Variants in ARRDC4 observed in about 807,000 individuals in gnomAD.
ARRDC4 encodes arrestin domain containing 4, also known as arrestin domain-containing protein 4.
ARRDC4 carries 40 observed loss-of-function variants against 44.6 expected under a neutral mutation model. The observed-to-expected ratio is 0.90, with a 90% confidence interval of 0.70 to 1.17. The LOEUF (loss-of-function observed/expected upper bound fraction) is 1.17, where lower values mean the gene tolerates loss of function less well. Among genes scored for constraint, ARRDC4 ranks in the 50% most tolerant of loss-of-function variants. ARRDC4 has a pLI of 0.00. For synonymous variants in ARRDC4, 211 were observed against 221.2 expected (o/e 0.95, Z 0.41); for missense variants, 550 against 559.1 (o/e 0.98, Z 0.16).
intron 1 of ARRDC4, 59 bp downstream of exon 1, chr15:97,961,227 G>A (rs1899311113): frequency 3.0e-6 from 4 of 1,334,018 alleles, no homozygotes; most frequent in Non-Finnish European, 3.8e-6. Context: ...GGGAGGGGCT[G>A]GGAGGCCGCG....
At position 97,973,359 on chromosome 15, in the gene ARRDC4, GA is replaced by G. The variant is rs113869432; in HGVS notation, c.*2174del. 1.6e-4 allele frequency: 25 copies of G among 152,666 alleles called. 1 individual carries two copies. The highest frequency in any genetic ancestry group is 5.1e-4 in the African/African-American group (21 of 41,584). The allele number at this position is 152,666 out of a possible 1,614,324, so 9.5% of individuals were successfully genotyped here. ...GAAACTATCTCTGTAGGACTTAAGA[GA>G]ATAGCTAAAAGGTGTGACTTGCCTT... On this transcript the variant is annotated 3_prime_UTR_variant, in exon 8 of 8. Transcript: ENST00000268042.
rs1451907409 is a variant in ARRDC4, at chr15:97,966,015, T to C, written c.495T>C (p.His165=). ...AGCGGGAACTCCAGGTTGTTAGTCA[T>C]GTCGATGTCAACACACCAGCATTAT... ...SVKRELQVVS[H]VDVNTPALLT... The change falls in exon 3 of 8, where the codon CAT becomes CAC. Residue 165 remains histidine, a synonymous_variant. Coordinates refer to ENST00000268042, the MANE Select transcript of ARRDC4 (RefSeq NM_183376.3). The surrounding 1 kb of genome is among the most constrained non-coding windows in gnomAD (Gnocchi z 4.7). The C allele has an allele frequency of 6.2e-7, 1 of 1,614,178 alleles. No individual in the cohort carries two copies.
rs1307541334 is a variant in ARRDC4, at chr15:97,971,823, T to C, written c.*636T>C. 6.6e-6 allele frequency: 1 copy of C among 152,164 alleles called. No individual in the cohort carries two copies. The highest frequency in any genetic ancestry group is 1.5e-5 in the Non-Finnish European group (1 of 68,044). 9.4% of individuals were successfully genotyped at this position (152,164 alleles called of 1,614,324 possible). On this transcript the variant is annotated 3_prime_UTR_variant, in exon 8 of 8. Transcript: ENST00000268042. ...TAGTTTATAAATCGGCAGTACGGTA[T>C]TATGAAACCAAGAAAGGGTTTCTTG...
At position 97,970,665 on chromosome 15, in the gene ARRDC4, CTGTG is replaced by C; in HGVS notation, c.1123_1126del (p.Cys375ArgfsTer33). The C allele has an allele frequency of 1.2e-6, 2 of 1,613,284 alleles. No individual in the cohort carries two copies. Among genetic ancestry groups the C allele is most frequent in the Non-Finnish European group, 1.7e-6 (2 of 1,179,510 alleles). On this transcript the variant is annotated frameshift_variant, in exon 7 of 8. Transcript: ENST00000268042. LOFTEE classifies it high-confidence loss of function. The surrounding 1 kb of genome is among the most constrained non-coding windows in gnomAD (Gnocchi z 4.2). ...TTCCTCCTTACCCTCAACCCCCTAACTGTGAGGGAGAAGTGTGCTGTCCTGTGTT... is the reference window on the plus strand; with the variant it reads ...TTCCTCCTTACCCTCAACCCCCTAACAGGGAGAAGTGTGCTGTCCTGTGTT...
In ARRDC4 at chr15:97,968,504, G is replaced by A. The variant is rs1899456231; in HGVS notation, c.625+388G>A. Among the ~76,000 whole-genome samples the A allele has an allele frequency of 1.3e-5, 2 of 152,188 alleles. No individual in the cohort carries two copies. Among genetic ancestry groups the A allele is most frequent in the African/African-American group, 4.8e-5 (2 of 41,458 alleles). ...GCTGGCTTGATATATGCAAATGCAT[G>A]GGACTGGAATGTAGTGTATTAACAA... is the stretch of plus-strand genomic sequence containing the variant. On this transcript the variant is annotated intron_variant, in intron 4 of 7. Coordinates refer to ENST00000268042, the MANE Select transcript of ARRDC4 (RefSeq NM_183376.3). The surrounding 1 kb of genome is among the most constrained non-coding windows in gnomAD (Gnocchi z 5.4).
Position 97,969,312 on chromosome 15 carries a change from T to TC in ARRDC4, c.815_816insC (p.Ile274AsnfsTer30). 6.2e-7 allele frequency: 1 copy of TC among 1,613,912 alleles called. No homozygotes were observed. Among genetic ancestry groups the TC allele is most frequent in the Non-Finnish European group, 8.5e-7 (1 of 1,179,854 alleles). On this transcript the variant is annotated frameshift_variant, in exon 5 of 8. Transcript: ENST00000268042. LOFTEE classifies it high-confidence loss of function. ...ACAGACACATGGAATGGGAAAACGC[T>TC]AAAAATCCCACCTGTTACTCCATCC... is the stretch of plus-strand genomic sequence containing the variant.
At position 97,967,566 on chromosome 15, in the gene ARRDC4, T is replaced by G. The variant is rs938488600; in HGVS notation, c.523-448T>G. Among the ~76,000 whole-genome samples, 1 of 151,354 alleles carries G rather than the reference T, an allele frequency of 6.6e-6. No individual in the cohort carries two copies. Among genetic ancestry groups the G allele is most frequent in the Admixed American group, 6.6e-5 (1 of 15,264 alleles). On this transcript the variant is annotated intron_variant, in intron 3 of 7. Transcript: ENST00000268042. This position sits in a 1 kb window ranked among gnomAD's most constrained non-coding sequence, Gnocchi z 5.0. ...GAAGTAAGTGGTGGGAAAAGGCTGT[T>G]TGTTTATTCCACTTTATTAAATGCC... is the stretch of plus-strand genomic sequence containing the variant.
chr15:97,960,747 C>G lies in ARRDC4; in HGVS notation c.-115C>G, dbSNP rs1279421604. On this transcript the variant is annotated 5_prime_UTR_variant, in exon 1 of 8. Coordinates refer to ENST00000268042, the MANE Select transcript of ARRDC4 (RefSeq NM_183376.3). ...CGGTGCCCCATCGGGTACCGCACGGCTGCCGCGGCGGCCTTACCCTGCCGC... is the reference window on the plus strand; with the variant it reads ...CGGTGCCCCATCGGGTACCGCACGGGTGCCGCGGCGGCCTTACCCTGCCGC... 1 of 964,144 alleles carries G rather than the reference C, an allele frequency of 1.0e-6. No individual in the cohort carries two copies. The highest frequency in any genetic ancestry group is 1.3e-6 in the Non-Finnish European group (1 of 741,790). The allele number at this position is 964,144 out of a possible 1,614,324, so 59.7% of individuals were successfully genotyped here. A position where few individuals can be genotyped will look rare whatever the true frequency, so the allele number is the denominator to read the frequency against.
intron 1 of ARRDC4, 33 bp downstream of exon 1, chr15:97,961,201 C>G: frequency 5.8e-6 from 8 of 1,372,210 alleles, no homozygotes; most frequent in Non-Finnish European, 7.4e-6. Flanking sequence ...GGTTCCCCCG[C>G]CAGGCTGCGG....
chr15:97,968,121 G>A lies in ARRDC4; in HGVS notation c.625+5G>A. ...AAAGAAAGGGATACTGTAATGGTAAGCAAAATGCTTGAAAGTCCAAATGAA... is the reference window on the plus strand; with the variant it reads ...AAAGAAAGGGATACTGTAATGGTAAACAAAATGCTTGAAAGTCCAAATGAA... On this transcript the variant is annotated splice_donor_5th_base_variant and intron_variant, in intron 4 of 7. Transcript: ENST00000268042. This position sits in a 1 kb window ranked among gnomAD's most constrained non-coding sequence, Gnocchi z 5.4. The A allele has an allele frequency of 6.6e-7, 1 of 1,524,986 alleles. No individual in the cohort carries two copies. The highest frequency in any genetic ancestry group is 8.9e-7 in the Non-Finnish European group (1 of 1,129,690). The allele number at this position is 1,524,986 out of a possible 1,614,324, so 94.5% of individuals were successfully genotyped here. A position where few individuals can be genotyped will look rare whatever the true frequency, so the allele number is the denominator to read the frequency against.
Position 97,967,977 on chromosome 15 carries a change from CTTAA to C in ARRDC4, c.523-32_523-29del. ...AAGTTCTATGAGTTCTCTAGAGTGGCTTAATTAAGGTTGTTTTATTGTTTGAAAT... is the reference window on the plus strand; with the variant it reads ...AAGTTCTATGAGTTCTCTAGAGTGGCTTAAGGTTGTTTTATTGTTTGAAAT... On this transcript the variant is annotated intron_variant, in intron 3 of 7. Transcript: ENST00000268042. This position sits in a 1 kb window ranked among gnomAD's most constrained non-coding sequence, Gnocchi z 5.0. The C allele has an allele frequency of 7.1e-7, 1 of 1,400,284 alleles. No individual in the cohort carries two copies. Among genetic ancestry groups the C allele is most frequent in the Non-Finnish European group, 9.9e-7 (1 of 1,007,340 alleles). The allele number at this position is 1,400,284 out of a possible 1,614,324, so 86.7% of individuals were successfully genotyped here.
rs1899433005 is a variant in ARRDC4 at position 97,967,273 on chromosome 15, C to T, written c.523-741C>T. ...TTGCCAAAAACAGACACTGTTGATC[C>T]CTTACGATTCTTTATATAAATAAAA... On this transcript the variant is annotated intron_variant, in intron 3 of 7. Transcript: ENST00000268042. The surrounding 1 kb of genome is among the most constrained non-coding windows in gnomAD (Gnocchi z 5.0). Among the ~76,000 whole-genome samples the T allele has an allele frequency of 6.6e-6, 1 of 151,818 alleles. No individual in the cohort carries two copies. The highest frequency in any genetic ancestry group is 2.4e-5 in the African/African-American group (1 of 41,238).
chr15:97,973,728 T>A lies in ARRDC4; in HGVS notation c.*2541T>A, dbSNP rs1045812413. On this transcript the variant is annotated 3_prime_UTR_variant, in exon 8 of 8. Transcript: ENST00000268042. ...TAAGTTAACTATGAAAGCTTTCTTA[T>A]TTTTATTATTAAAAATGTAACAATT... 1 of 152,524 alleles carries A rather than the reference T, an allele frequency of 6.6e-6. No individual in the cohort carries two copies. The highest frequency in any genetic ancestry group is 1.9e-4 in the East Asian group (1 of 5,186). The allele number at this position is 152,524 out of a possible 1,614,324, so 9.4% of individuals were successfully genotyped here.
At position 97,961,168 on chromosome 15, in the gene ARRDC4, G is replaced by T. The variant is rs1244161915; in HGVS notation, c.307G>T (p.Gly103Cys). 1.4e-6 allele frequency: 2 copies of T among 1,423,060 alleles called. No homozygotes were observed. The highest frequency in any genetic ancestry group is 1.8e-6 in the Non-Finnish European group (2 of 1,099,814). 88.2% of individuals were successfully genotyped at this position (1,423,060 alleles called of 1,614,324 possible). Residue 103 changes from glycine to cysteine, a missense_variant and splice_region_variant, in exon 1 of 8, where the codon GGT (glycine) becomes TGT (cysteine). Coordinates refer to ENST00000268042, the MANE Select transcript of ARRDC4 (RefSeq NM_183376.3). ...VRLSLREPPA[G>C]EGIILLQPGK... ...CCTCAGCCTGCGGGAGCCCCCGGCC[G>T]GTAAGCGCAGGCGAGCGCCTGGGGT...
rs1308492631 is a variant in ARRDC4 at position 97,960,724 on chromosome 15, G to C, written c.-138G>C. On this transcript the variant is annotated 5_prime_UTR_variant, in exon 1 of 8. Transcript: ENST00000268042. Reference sequence around the variant, plus strand: ...AAGCGACAGGCCTCTCGGCGAGCCGGTGCCCCATCGGGTACCGCACGGCTG... The same window carrying C: ...AAGCGACAGGCCTCTCGGCGAGCCGCTGCCCCATCGGGTACCGCACGGCTG... 15 of 716,074 alleles carry C rather than the reference G, an allele frequency of 2.1e-5. No individual in the cohort carries two copies. The highest frequency in any genetic ancestry group is 2.9e-5 in the Non-Finnish European group (15 of 516,670). The allele number at this position is 716,074 out of a possible 1,614,324, so 44.4% of individuals were successfully genotyped here. A position where few individuals can be genotyped will look rare whatever the true frequency, so the allele number is the denominator to read the frequency against.
rs944645009 is a variant in ARRDC4, at chr15:97,969,906, T to A, written c.906T>A (p.Ala302=). Residue 302 remains alanine, a synonymous_variant, in exon 6 of 8, where the codon GCT becomes GCA. Coordinates refer to ENST00000268042, the MANE Select transcript of ARRDC4 (RefSeq NM_183376.3). ...AGGTATACATTCACATTCCTGGTGCTAAAAAATTGATGCTCGAACTGCCAT... is the reference window on the plus strand; with the variant it reads ...AGGTATACATTCACATTCCTGGTGCAAAAAAATTGATGCTCGAACTGCCAT... ...SLAVYIHIPG[A]KKLMLELPLV... is the part of the protein sequence containing the mutation. 6.2e-7 allele frequency: 1 copy of A among 1,604,242 alleles called. No homozygotes were observed. Among genetic ancestry groups the A allele is most frequent in the African/African-American group, 1.4e-5 (1 of 73,926 alleles).
Position 97,970,484 on chromosome 15 carries a change from A to G in ARRDC4, c.1046-105A>G, listed in dbSNP as rs569777552. ...TTGCTGATTAGAGGGAAAGAATGCC[A>G]TATTTTTTATCTTCAAGTTTAGCTG... On this transcript the variant is annotated intron_variant, in intron 6 of 7. Coordinates refer to ENST00000268042, the MANE Select transcript of ARRDC4 (RefSeq NM_183376.3). The surrounding 1 kb of genome is among the most constrained non-coding windows in gnomAD (Gnocchi z 4.2). 900 of 1,221,358 alleles carry G rather than the reference A, an allele frequency of 7.4e-4. No homozygotes were observed. The highest frequency in any genetic ancestry group is 9.7e-4 in the Non-Finnish European group (857 of 881,794). The allele number at this position is 1,221,358 out of a possible 1,614,324, so 75.7% of individuals were successfully genotyped here.
rs1899465229 is a variant in ARRDC4 at position 97,969,158 on chromosome 15, T to G, written c.661T>G (p.Cys221Gly). Residue 221 changes from cysteine (C) to glycine (G), a missense_variant, in exon 5 of 8, where the codon TGT becomes GGT. Physicochemically the swap from Cys to Gly is radical, Grantham distance 159. Coordinates refer to ENST00000268042, the MANE Select transcript of ARRDC4 (RefSeq NM_183376.3). ...AIPIYAEIENCSSRLIVPKAA... is the reference protein window; with the variant it reads ...AIPIYAEIENGSSRLIVPKAA... ...TCCAATCTATGCAGAAATAGAAAAT[T>G]GTTCCTCTCGTCTGATTGTTCCAAA... 1 of 1,613,904 alleles carries G rather than the reference T, an allele frequency of 6.2e-7. No homozygotes were observed. Among genetic ancestry groups the G allele is most frequent in the Non-Finnish European group, 8.5e-7 (1 of 1,179,820 alleles).
At position 97,971,481 on chromosome 15, in the gene ARRDC4, G is replaced by C. The variant is rs568228809; in HGVS notation, c.*294G>C. 1 of 373,632 alleles carries C rather than the reference G, an allele frequency of 2.7e-6. No homozygotes were observed. Among genetic ancestry groups the C allele is most frequent in the South Asian group, 2.7e-5 (1 of 37,082 alleles). 23.1% of individuals were successfully genotyped at this position (373,632 alleles called of 1,614,324 possible). Reference sequence around the variant, plus strand: ...ACAGAGTAAGTGAAAGGGTGCCTGCGCTGACGTGAGAGAAAGGAATCTGTA... The same window carrying C: ...ACAGAGTAAGTGAAAGGGTGCCTGCCCTGACGTGAGAGAAAGGAATCTGTA... On this transcript the variant is annotated 3_prime_UTR_variant, in exon 8 of 8. Transcript: ENST00000268042.
Sources: allele counts gnomAD v4.1 joint callset (sites outside exome capture counted in the v4.1 genomes callset), GRCh38; gene constraint gnomAD v4.1.1; non-coding constraint Gnocchi (gnomAD v3.1); transcripts MANE v1.5; gene names NCBI Gene and HGNC (gene_info 2026-07-23, HGNC 2026-07-21).